The following CTNNA2 variants were observed in gnomAD, a reference collection of about 807,000 sequenced individuals.
CTNNA2 encodes the protein catenin alpha 2, also known as catenin alpha-2.
Under a neutral mutation model 101.0 loss-of-function variants are expected in CTNNA2, and 42 were observed. The observed-to-expected ratio is 0.42, with a 90% CI of 0.32 to 0.54. CTNNA2 has a LOEUF of 0.54. CTNNA2 is among the 20% of genes least tolerant of loss of function. CTNNA2 has a pLI of 0.14. For synonymous variants in CTNNA2, 450 were observed against 456.4 expected (o/e 0.99, Z 0.18); for missense variants, 871 against 1,223.1 (o/e 0.71, Z 4.29).
intron 7 of CTNNA2, among the ~76,000 whole-genome samples, chr2:80,067,128 A>G (rs1698037609): frequency 6.6e-6 from 1 of 152,160 alleles, no homozygotes; most frequent in Non-Finnish European, 1.5e-5. Flanking sequence ...GCAAAATTTC[A>G]GTTATATAGG....
intron 7 of CTNNA2, among the ~76,000 whole-genome samples, chr2:80,076,305 A>C (rs1698748058): frequency 6.8e-6 from 1 of 147,652 alleles, no homozygotes; most frequent in Non-Finnish European, 1.5e-5. Flanking sequence ...TTTAGATAGG[A>C]TCTCACTCTG....
intron 3 of CTNNA2, among the ~76,000 whole-genome samples, chr2:79,360,366 A>G (rs1677600825): frequency 6.6e-6 from 1 of 152,202 alleles, no homozygotes; most frequent in Non-Finnish European, 1.5e-5. Flanking sequence ...GAAATGTACA[A>G]TCAGAGACAA....
At chr2:79,814,762 G>C (rs1334923100) in intron 3 of CTNNA2, among the ~76,000 whole-genome samples, 1 of 152,150 alleles carries the variant, frequency 6.6e-6, no homozygotes, top group East Asian at 1.9e-4. Flanking sequence ...TCTTTTTCAT[G>C]TACTGGCCTC....
intron 7 of CTNNA2, among the ~76,000 whole-genome samples, chr2:80,204,542 C>G (rs1707411535): frequency 6.6e-6 from 1 of 152,180 alleles, no homozygotes; most frequent in African/African-American, 2.4e-5. Flanking sequence ...TTCCTTATCT[C>G]CATCTGAGAC....
intron 1 of CTNNA2, among the ~76,000 whole-genome samples, chr2:79,539,349 G>A (rs771662565): frequency 1.2e-4 from 19 of 152,172 alleles, no homozygotes; most frequent in Non-Finnish European, 2.5e-4. Context: ...GAAAGGCCTC[G>A]AGAAGGCCAT....
chr2:79,891,478 A>G (rs984179907), intron 6 of CTNNA2, among the ~76,000 whole-genome samples: 6 of 152,200 alleles, frequency 3.9e-5, no homozygotes, highest in African/African-American at 1.4e-4. Flanking sequence ...TTTTCCATGG[A>G]CATTTTTCTT....
intron 7 of CTNNA2, among the ~76,000 whole-genome samples, chr2:79,952,911 T>C (rs1688983055): frequency 1.3e-5 from 2 of 152,188 alleles, no homozygotes; most frequent in Non-Finnish European, 2.9e-5. Flanking sequence ...TGCGTGAAGC[T>C]ATGTTAACTT....
chr2:79,195,139 T>C (rs1673942021), intron 1 of CTNNA2, among the ~76,000 whole-genome samples: 1 of 152,192 alleles, frequency 6.6e-6, no homozygotes, highest in Admixed American at 6.5e-5. Context: ...TGCGTGACTA[T>C]TGCTTTCTTA....
chr2:79,206,615 C>T (rs1337499525), intron 2 of CTNNA2, among the ~76,000 whole-genome samples: 3 of 152,272 alleles, frequency 2.0e-5, no homozygotes, highest in Non-Finnish European at 4.4e-5. Flanking sequence ...ATATGAGTGA[C>T]CATGATACAT....
rs115314200 is a variant in CTNNA2 at position 80,404,787 on chromosome 2, A to C, written c.1137+11496A>C. Among the ~76,000 whole-genome samples, 532 of 152,300 alleles carry C rather than the reference A, an allele frequency of 3.5e-3. 5 individuals are homozygous for C. The highest frequency in any genetic ancestry group is 0.012 in the African/African-American group (504 of 41,570). ...TTTAAAGATGGGAGCTAATTCCTTC[A>C]CTACAGCAGTTGGTACAATTATTGG... On this transcript the variant is annotated intron_variant, in intron 8 of 18. Transcript: ENST00000402739.
intron 7 of CTNNA2, among the ~76,000 whole-genome samples, chr2:79,992,759 T>C (rs1692270881): frequency 6.6e-6 from 1 of 152,228 alleles, no homozygotes; most frequent in African/African-American, 2.4e-5. Context: ...TATGGTTTGC[T>C]TTTTTCTTAA....
intron 3 of CTNNA2, among the ~76,000 whole-genome samples, chr2:79,848,650 C>T (rs1680432412): frequency 6.6e-6 from 1 of 152,172 alleles, no homozygotes; most frequent in African/African-American, 2.4e-5. Context: ...TGTTTAATAG[C>T]TCATAACATT....
In CTNNA2 at chr2:80,302,984, A is replaced by G; in HGVS notation, c.1057-90227A>G. The G allele has an allele frequency of 6.2e-7, 1 of 1,613,390 alleles. No homozygotes were observed. Among genetic ancestry groups the G allele is most frequent in the Middle Eastern group, 1.6e-4 (1 of 6,062 alleles). ...CAGCTGCAGGGACTGCAGGTGCGGCACGGTCTCGAACACATGGGGCTCCAT... is the reference window on the plus strand; with the variant it reads ...CAGCTGCAGGGACTGCAGGTGCGGCGCGGTCTCGAACACATGGGGCTCCAT... On this transcript the variant is annotated intron_variant, in intron 7 of 18. Transcript: ENST00000402739. This position sits in a 1 kb window ranked among gnomAD's most constrained non-coding sequence, Gnocchi z 6.4.
chr2:79,208,308 A>G (rs1242625861), intron 2 of CTNNA2, among the ~76,000 whole-genome samples: 1 of 152,172 alleles, frequency 6.6e-6, no homozygotes, highest in Non-Finnish European at 1.5e-5. Context: ...TTTTTGAAAC[A>G]TATGTCAAGA....
intron 1 of CTNNA2, among the ~76,000 whole-genome samples, chr2:79,595,887 T>C (rs559157418): frequency 4.0e-5 from 6 of 151,146 alleles, no homozygotes; most frequent in African/African-American, 9.7e-5. Context: ...CCAACTCTTA[T>C]GCAGTATTCT....
chr2:79,209,069 A>G (rs980119066), intron 2 of CTNNA2, among the ~76,000 whole-genome samples: 1 of 152,140 alleles, frequency 6.6e-6, no homozygotes, highest in Non-Finnish European at 1.5e-5. Flanking sequence ...TAATCCCAGC[A>G]CTTTGGAAGG....
At chr2:79,986,380 C>G (rs561495958) in intron 7 of CTNNA2, among the ~76,000 whole-genome samples, 2 of 152,164 alleles carry the variant, frequency 1.3e-5, no homozygotes, top group Admixed American at 1.3e-4. Context: ...GCCCTACCTA[C>G]GGCACCCTGT....
At position 80,302,692 on chromosome 2, in the gene CTNNA2, C is replaced by A; in HGVS notation, c.1057-90519C>A. ...CCAGATCACTGCGGTTGGTGACGGCCGAGAGCAGGTGGCCGCTGGTGGGCT... is the reference window on the plus strand; with the variant it reads ...CCAGATCACTGCGGTTGGTGACGGCAGAGAGCAGGTGGCCGCTGGTGGGCT... On this transcript the variant is annotated intron_variant, in intron 7 of 18. Transcript: ENST00000402739. The surrounding 1 kb of genome is among the most constrained non-coding windows in gnomAD (Gnocchi z 6.4). 6.2e-7 allele frequency: 1 copy of A among 1,612,510 alleles called. No individual in the cohort carries two copies. Among genetic ancestry groups the A allele is most frequent in the Non-Finnish European group, 8.5e-7 (1 of 1,179,750 alleles).
chr2:80,620,252 C>CT lies in CTNNA2; in HGVS notation c.2574+1034dup, dbSNP rs561182624. On this transcript the variant is annotated intron_variant, in intron 18 of 18. Coordinates refer to ENST00000402739, the MANE Select transcript of CTNNA2 (RefSeq NM_001282597.3). ...AAAATATATAAAGAGGGTATCATCC[C>CT]TTTTTTTTTTCCTAAATATACATCC... 3.6e-3 allele frequency among the ~76,000 whole-genome samples: 538 copies of CT among 147,900 alleles called. 5 individuals carry two copies. Among genetic ancestry groups the CT allele is most frequent in the African/African-American group, 0.011 (436 of 40,456 alleles).
Sources: gnomAD v4.1 joint callset for allele counts (sites outside exome capture counted in the v4.1 genomes callset) on GRCh38, gnomAD v4.1.1 for gene constraint, Gnocchi (gnomAD v3.1) non-coding constraint, MANE v1.5 for transcripts, NCBI Gene and HGNC (gene_info 2026-07-23, HGNC 2026-07-21) for gene names.